GABRG3: variants seen among roughly 807,000 people sequenced by gnomAD.
GABRG3 encodes gamma-aminobutyric acid receptor subunit gamma-3.
A neutral mutation model predicts 48.8 loss-of-function variants in GABRG3; 25 were observed. The ratio of observed to expected loss-of-function variants is 0.51; its 90% CI spans 0.37 to 0.72. The LOEUF is 0.72. GABRG3 is among the 30% of genes least tolerant of loss of function. GABRG3 has a pLI of 0.00. For missense variants in GABRG3, 394 were observed against 577.9 expected, an observed-to-expected ratio of 0.68 and a Z score of 3.26; for synonymous variants, 227 against 217.6, an observed-to-expected ratio of 1.04 and a Z score of -0.38.
At chr15:27,062,434 T>TGAAAAAAAAAAAAAAAAAAAA (rs773271266) in intron 3 of GABRG3, among the ~76,000 whole-genome samples, 1 of 32,826 alleles carries the variant, frequency 3.0e-5, no homozygotes, top group African/African-American at 7.0e-5. Context: ...CCATCTCTAC[T>TGAAAAAAAAAAAAAAAAAAAA]AAAAAAAAAA....
chr15:26,983,792 A>T (rs1287569043), intron 2 of GABRG3, among the ~76,000 whole-genome samples: 1 of 152,154 alleles, frequency 6.6e-6, no homozygotes, highest in Admixed American at 6.5e-5. Flanking sequence ...AAATAATTTT[A>T]AAAAGACATA....
chr15:27,055,337 G>C (rs567509175), intron 3 of GABRG3, among the ~76,000 whole-genome samples: 1 of 152,278 alleles, frequency 6.6e-6, no homozygotes, highest in African/African-American at 2.4e-5. Flanking sequence ...TGTAACTCGG[G>C]GAAATTAGTT....
intron 5 of GABRG3, among the ~76,000 whole-genome samples, chr15:27,464,481 G>A (rs889403956): frequency 2.6e-5 from 4 of 152,118 alleles, no homozygotes; most frequent in African/African-American, 7.2e-5. Flanking sequence ...TTGTGTACAT[G>A]TAGGACTGGA....
At chr15:27,152,565 A>G (rs1321038922) in intron 3 of GABRG3, among the ~76,000 whole-genome samples, 1 of 152,154 alleles carries the variant, frequency 6.6e-6, no homozygotes, top group Non-Finnish European at 1.5e-5. Flanking sequence ...CTGTCTGTCA[A>G]TTTGTAGAGA....
At chr15:27,532,545 A>G (rs1324893137) in intron 9 of GABRG3, 55 bp from the exon 10 acceptor site, 2 of 1,547,782 alleles carry the variant, frequency 1.3e-6, no homozygotes, top group Non-Finnish European at 1.8e-6. Context: ...CATACACCTC[A>G]GGGTGTTTTT....
intron 2 of GABRG3, among the ~76,000 whole-genome samples, chr15:27,008,493 G>A (rs1895627788): frequency 6.6e-6 from 1 of 152,196 alleles, no homozygotes; most frequent in African/African-American, 2.4e-5. Flanking sequence ...CAATCACTCA[G>A]AGATTCAGTC....
intron 5 of GABRG3, among the ~76,000 whole-genome samples, chr15:27,375,843 G>A (rs142087084): frequency 1.3e-3 from 200 of 152,096 alleles, no homozygotes; most frequent in African/African-American, 4.4e-3. Flanking sequence ...TAGCCCCTCC[G>A]AAATCTCATA....
At chr15:27,501,004 T>A (rs1473676375) in intron 6 of GABRG3, among the ~76,000 whole-genome samples, 4 of 140,000 alleles carry the variant, frequency 2.9e-5, no homozygotes, top group African/African-American at 1.1e-4. Context: ...CAGGCTGGAG[T>A]GCAGTGGCGC....
chr15:27,330,603 C>G (rs1449150233), intron 5 of GABRG3, among the ~76,000 whole-genome samples: 1 of 152,180 alleles, frequency 6.6e-6, no homozygotes. Flanking sequence ...GGATTGTGTG[C>G]ACATGGACTT....
chr15:27,183,649 G>C (rs530677092), intron 3 of GABRG3, among the ~76,000 whole-genome samples: 3 of 152,196 alleles, frequency 2.0e-5, no homozygotes, highest in Non-Finnish European at 2.9e-5. Context: ...TAATGCACAA[G>C]CATACATTTC....
At chr15:27,116,825 T>C (rs1289791807) in intron 3 of GABRG3, among the ~76,000 whole-genome samples, 2 of 152,214 alleles carry the variant, frequency 1.3e-5, no homozygotes, top group Non-Finnish European at 2.9e-5. Context: ...ACAGCATTCA[T>C]GCCTTCCTCC....
intron 2 of GABRG3, among the ~76,000 whole-genome samples, chr15:27,015,020 A>G (rs1017758840): frequency 9.2e-5 from 14 of 152,188 alleles, no homozygotes; most frequent in African/African-American, 3.4e-4. Context: ...CTGAATAACA[A>G]TCTTCTTTGT....
intron 2 of GABRG3, among the ~76,000 whole-genome samples, chr15:26,997,602 C>T (rs532743488): frequency 1.3e-5 from 2 of 152,254 alleles, no homozygotes; most frequent in South Asian, 4.1e-4. Context: ...ATTTCTTCCT[C>T]CTTATATTCA....
chr15:26,997,677 C>T (rs1008135212), intron 2 of GABRG3, among the ~76,000 whole-genome samples: 1 of 152,136 alleles, frequency 6.6e-6, no homozygotes, highest in Non-Finnish European at 1.5e-5. Context: ...GCTTATTGAC[C>T]AATGTTTGTC....
At chr15:27,342,671 A>G (rs1297277117) in intron 5 of GABRG3, among the ~76,000 whole-genome samples, 1 of 152,212 alleles carries the variant, frequency 6.6e-6, no homozygotes, top group Non-Finnish European at 1.5e-5. Context: ...AGTATTGTGG[A>G]CGTTATTCGA....
rs542456655 is a variant in GABRG3, at chr15:27,381,309, AT to A, written c.574+52424del. Among the ~76,000 whole-genome samples the A allele has an allele frequency of 9.2e-5, 14 of 152,326 alleles. No homozygotes were observed. The South Asian group carries it at 2.7e-3, about 29-fold the overall frequency. On this transcript the variant is annotated intron_variant, in intron 5 of 9. Transcript: ENST00000615808. The stretch of plus-strand genomic sequence containing the variant: ...GTTAAGAACAGAATGCTCTCGGCAT[AT>A]TTCAGAATGGTTTCTTATTCCCTCC...
In GABRG3 at chr15:27,539,697, G is replaced by C. The variant is rs976496330; in HGVS notation, c.*6816G>C. ...TCTGTCACTCTCATGGGGAGATCAG[G>C]GTACCCACTCCTCTACGTAGCTTGG... On this transcript the variant is annotated 3_prime_UTR_variant, in exon 10 of 10. Transcript: ENST00000615808. The C allele has an allele frequency of 6.6e-6, 1 of 152,102 alleles. No homozygotes were observed. The highest frequency in any genetic ancestry group is 1.5e-5 in the Non-Finnish European group (1 of 68,038). 9.4% of individuals were successfully genotyped at this position (152,102 alleles called of 1,614,324 possible).
intron 5 of GABRG3, among the ~76,000 whole-genome samples, chr15:27,427,825 C>T (rs1888336199): frequency 6.6e-6 from 1 of 152,096 alleles, no homozygotes; most frequent in Admixed American, 6.5e-5. Flanking sequence ...AAGATACATC[C>T]CTCCCATCCT....
At chr15:27,226,655 G>T (rs1189324981) in intron 3 of GABRG3, among the ~76,000 whole-genome samples, 1 of 152,364 alleles carries the variant, frequency 6.6e-6, no homozygotes, top group South Asian at 2.1e-4. Flanking sequence ...ACTATGCGGG[G>T]CAGTTGGCTG....
Sources: gnomAD v4.1 joint callset for allele counts (sites outside exome capture counted in the v4.1 genomes callset) on GRCh38, gnomAD v4.1.1 for gene constraint, MANE v1.5 for transcripts, NCBI Gene and HGNC (gene_info 2026-07-23, HGNC 2026-07-21) for gene names.